NELL1: variants seen among roughly 807,000 people sequenced by gnomAD.
NELL1 encodes neural EGFL like 1, also known as protein kinase C-binding protein NELL1.
In NELL1, 76 loss-of-function variants were observed where a neutral mutation model predicts 107.4. That is an observed-to-expected ratio of 0.71 (90% CI 0.59 to 0.86). The LOEUF (loss-of-function observed/expected upper bound fraction) is 0.86, where lower values mean the gene tolerates loss of function less well. Among genes scored for constraint, NELL1 ranks in the 40% least tolerant of loss-of-function variants. The pLI is 0.00. For synonymous variants in NELL1, 353 were observed against 341.2 expected (o/e 1.03, Z -0.38); for missense variants, 1,024 against 1,005.5 (o/e 1.02, Z -0.25).
intron 8 of NELL1, 25 bp downstream of exon 8, chr11:20,927,467 A>G (rs772105299): frequency 1.3e-6 from 2 of 1,597,662 alleles, no homozygotes; most frequent in Non-Finnish European, 1.7e-6. Context: ...AAATAAATAC[A>G]GTAAAAACAG....
At chr11:21,500,983 T>G (rs10219188) in intron 15 of NELL1, among the ~76,000 whole-genome samples, 62,425 of 151,946 alleles carry the variant, frequency 0.41, 14,198 homozygotes, top group Non-Finnish European at 0.53. Context: ...ATTTTACTGA[T>G]TGTAGGGGGC....
At position 21,154,184 on chromosome 11, in the gene NELL1, T is replaced by A. The variant is rs77961921; in HGVS notation, c.1426+40470T>A. ...ATGTTGATGTTTTGTGAAGTTTGTA[T>A]AATGAATTGCTACCTCTCTTAATGG... On this transcript the variant is annotated intron_variant, in intron 13 of 19. Transcript: ENST00000357134. 5.3e-3 allele frequency among the ~76,000 whole-genome samples: 807 copies of A among 152,300 alleles called. 6 individuals carry two copies. The highest frequency in any genetic ancestry group is 0.016 in the African/African-American group (680 of 41,566).
intron 15 of NELL1, among the ~76,000 whole-genome samples, chr11:21,514,181 A>G (rs1290864366): frequency 6.6e-6 from 1 of 152,240 alleles, no homozygotes; most frequent in Non-Finnish European, 1.5e-5. Flanking sequence ...GCAAATATCA[A>G]AATAATACAT....
chr11:21,326,058 T>G (rs1850126466), intron 14 of NELL1, among the ~76,000 whole-genome samples: 1 of 77,516 alleles, frequency 1.3e-5, no homozygotes, highest in African/African-American at 4.5e-5. Context: ...AGTTTTTTTT[T>G]TTTTTTTTTT....
intron 2 of NELL1, among the ~76,000 whole-genome samples, chr11:20,715,020 G>A (rs1275002223): frequency 6.6e-6 from 1 of 152,092 alleles, no homozygotes; most frequent in Non-Finnish European, 1.5e-5. Context: ...AAGGCGGGCG[G>A]ATCACGAGGT....
rs963768992 is a variant in NELL1, at chr11:20,981,023, C to T, written c.1300+20463C>T. 3.3e-5 allele frequency among the ~76,000 whole-genome samples: 5 copies of T among 152,274 alleles called. No homozygotes were observed. The East Asian group carries it at 5.8e-4, about 18-fold the overall frequency. The stretch of plus-strand genomic sequence containing the variant: ...CCTGAGGCTTTCAGTAATCTGAGCC[C>T]ACTTGCTGACATGTAATAGTCATAT... On this transcript the variant is annotated intron_variant, in intron 12 of 19. Transcript: ENST00000357134.
chr11:21,267,205 T>C (rs1319399225), intron 14 of NELL1, among the ~76,000 whole-genome samples: 2 of 152,136 alleles, frequency 1.3e-5, no homozygotes, highest in African/African-American at 4.8e-5. Flanking sequence ...AATCTCCAAA[T>C]CAAAGACAAA....
intron 13 of NELL1, among the ~76,000 whole-genome samples, chr11:21,138,193 C>A (rs1215579221): frequency 6.6e-6 from 1 of 152,156 alleles, no homozygotes. Flanking sequence ...GTCTCTCCAT[C>A]TGCAAAACTG....
intron 13 of NELL1, among the ~76,000 whole-genome samples, chr11:21,145,450 G>C (rs1855956856): frequency 6.6e-6 from 1 of 152,168 alleles, no homozygotes; most frequent in African/African-American, 2.4e-5. Flanking sequence ...TAGAAGGAAA[G>C]AGCTGATTCA....
At chr11:21,367,862 A>G (rs1163031722) in intron 14 of NELL1, among the ~76,000 whole-genome samples, 5 of 152,088 alleles carry the variant, frequency 3.3e-5, no homozygotes, top group East Asian at 1.9e-4. Context: ...TGGAAAGGCA[A>G]TGTAGCGGTG....
chr11:21,495,802 A>G (rs748378622), intron 15 of NELL1, among the ~76,000 whole-genome samples: 2 of 152,092 alleles, frequency 1.3e-5, no homozygotes, highest in Non-Finnish European at 2.9e-5. Context: ...CCATTTGTAC[A>G]TCTTCTTTGG....
chr11:21,083,900 A>G (rs1459906455), intron 12 of NELL1, among the ~76,000 whole-genome samples: 6 of 152,240 alleles, frequency 3.9e-5, no homozygotes, highest in Admixed American at 3.3e-4. Context: ...TATATAAGGC[A>G]AAAGTTATTA....
rs967944354 is a variant in NELL1 at position 21,069,870 on chromosome 11, A to T, written c.1301-43719A>T. On this transcript the variant is annotated intron_variant, in intron 12 of 19. Coordinates refer to ENST00000357134, the MANE Select transcript of NELL1 (RefSeq NM_006157.5). ...GTGATCCTGTTTGGGAAAGCCATGT[A>T]ACCTCTCTGAGCTTCTTTAAGCTTT... Among the ~76,000 whole-genome samples, 26 of 152,238 alleles carry T rather than the reference A, an allele frequency of 1.7e-4. No individual in the cohort carries two copies. In the East Asian group the frequency reaches 2.7e-3, roughly 16 times the overall value.
rs71063696 is a variant in NELL1 at position 21,299,511 on chromosome 11, ATGTGTGTGTGTGTGTGTG to A, written c.1549+70093_1549+70110del. The stretch of plus-strand genomic sequence containing the variant: ...AAATTTCAACATTTTATTGTCTTAT[ATGTGTGTGTGTGTGTGTG>A]TGTGTGTGTGTGTGTGTGTGTGTGT... On this transcript the variant is annotated intron_variant, in intron 14 of 19. Coordinates refer to ENST00000357134, the MANE Select transcript of NELL1 (RefSeq NM_006157.5). Among the ~76,000 whole-genome samples the A allele has an allele frequency of 4.0e-3, 542 of 136,484 alleles. 2 individuals are homozygous for A. The highest frequency in any genetic ancestry group is 0.01 in the South Asian group (41 of 4,010). 89.5% of individuals were successfully genotyped at this position (136,484 alleles called of 152,430 possible). A position where few individuals can be genotyped will look rare whatever the true frequency, so the allele number is the denominator to read the frequency against.
chr11:21,077,344 T>C (rs981849583), intron 12 of NELL1, among the ~76,000 whole-genome samples: 3 of 152,094 alleles, frequency 2.0e-5, no homozygotes, highest in South Asian at 2.1e-4. Context: ...CAAAGAGATA[T>C]CAGAATGCTA....
chr11:20,765,012 G>A (rs1029754109), intron 2 of NELL1, among the ~76,000 whole-genome samples: 6 of 152,084 alleles, frequency 3.9e-5, no homozygotes, highest in Non-Finnish European at 7.4e-5. Flanking sequence ...TAAAAAATTA[G>A]CCAGGCAGGA....
intron 14 of NELL1, among the ~76,000 whole-genome samples, chr11:21,326,182 T>A (rs896000386): frequency 3.3e-5 from 5 of 150,762 alleles, no homozygotes; most frequent in Non-Finnish European, 5.9e-5. Context: ...TTTGTTCCAC[T>A]TATTCCTTGT....
chr11:21,065,583 T>G (rs1032008947), intron 12 of NELL1, among the ~76,000 whole-genome samples: 8 of 152,170 alleles, frequency 5.3e-5, no homozygotes, highest in Non-Finnish European at 1.0e-4. Flanking sequence ...AACCTGGCAT[T>G]GGATTGCATG....
Position 21,575,129 on chromosome 11 carries a change from C to G in NELL1, c.*107C>G, listed in dbSNP as rs772126580. On this transcript the variant is annotated 3_prime_UTR_variant, in exon 20 of 20. Coordinates refer to ENST00000357134, the MANE Select transcript of NELL1 (RefSeq NM_006157.5). ...TTTTTTGTTTGTTTTGTTTTTTTAACCACAGATAATTGCCAAAGTTTCCAC... is the reference window on the plus strand; with the variant it reads ...TTTTTTGTTTGTTTTGTTTTTTTAAGCACAGATAATTGCCAAAGTTTCCAC... 5.3e-5 allele frequency: 55 copies of G among 1,042,826 alleles called. 1 individual carries two copies. The highest frequency in any genetic ancestry group is 5.4e-5 in the Non-Finnish European group (37 of 685,190). The allele number at this position is 1,042,826 out of a possible 1,614,324, so 64.6% of individuals were successfully genotyped here.
Sources: allele counts gnomAD v4.1 joint callset (sites outside exome capture counted in the v4.1 genomes callset), GRCh38; gene constraint gnomAD v4.1.1; transcripts MANE v1.5; gene names NCBI Gene and HGNC (gene_info 2026-07-23, HGNC 2026-07-21).